The following LRRC3B variants were observed in gnomAD, a reference collection of about 807,000 sequenced individuals.
LRRC3B encodes leucine rich repeat containing 3B, also known as leucine-rich repeat-containing protein 3B.
LRRC3B carries 2 observed loss-of-function variants against 12.8 expected under a neutral mutation model. The observed-to-expected ratio is 0.16, with a 90% confidence interval of 0.06 to 0.49. The LOEUF is 0.49. Among genes scored for constraint, LRRC3B ranks in the 20% least tolerant of loss-of-function variants. LRRC3B has a pLI of 0.96. For missense variants in LRRC3B, 189 were observed against 319.4 expected, an observed-to-expected ratio of 0.59 and a Z score of 3.11; for synonymous variants, 132 against 122.0, an observed-to-expected ratio of 1.08 and a Z score of -0.54.
chr3:26,692,644 T>G (rs1463196914), intron 1 of LRRC3B, among the ~76,000 whole-genome samples: 1 of 152,232 alleles, frequency 6.6e-6, no homozygotes, highest in Non-Finnish European at 1.5e-5. Flanking sequence ...GTTCTGTTAG[T>G]TGTTAGTGTA....
At chr3:26,638,324 T>C (rs973109698) in intron 1 of LRRC3B, among the ~76,000 whole-genome samples, 1 of 152,168 alleles carries the variant, frequency 6.6e-6, no homozygotes, top group Non-Finnish European at 1.5e-5. Flanking sequence ...CTTTTATTGG[T>C]GATGTCATAG....
At chr3:26,677,672 A>G (rs779390473) in intron 1 of LRRC3B, among the ~76,000 whole-genome samples, 15 of 152,372 alleles carry the variant, frequency 9.8e-5, no homozygotes, top group Non-Finnish European at 4.4e-5. Context: ...ACATGTATAC[A>G]TATAACACAT....
chr3:26,651,433 G>GGTGTGTACCT (rs1470702200), intron 1 of LRRC3B, among the ~76,000 whole-genome samples: 2 of 152,054 alleles, frequency 1.3e-5, no homozygotes, highest in Non-Finnish European at 2.9e-5. Flanking sequence ...GAGCACACGT[G>GGTGTGTACCT]GTGTGTACCT....
intron 1 of LRRC3B, among the ~76,000 whole-genome samples, chr3:26,646,195 G>A (rs1160879584): frequency 1.3e-5 from 2 of 152,192 alleles, no homozygotes; most frequent in Admixed American, 6.5e-5. Context: ...GGTGATGAAA[G>A]TGAGTTATAA....
intron 1 of LRRC3B, among the ~76,000 whole-genome samples, chr3:26,653,621 A>T (rs764038006): frequency 6.6e-6 from 1 of 152,316 alleles, no homozygotes; most frequent in Non-Finnish European, 1.5e-5. Context: ...AAAAACAGTA[A>T]GATAACCTGA....
At chr3:26,628,676 A>C (rs1336653174) in intron 1 of LRRC3B, among the ~76,000 whole-genome samples, 2 of 151,948 alleles carry the variant, frequency 1.3e-5, no homozygotes, top group African/African-American at 2.4e-5. Flanking sequence ...TTAGTGAATT[A>C]ATACATCTCA....
intron 1 of LRRC3B, among the ~76,000 whole-genome samples, chr3:26,671,074 G>C (rs1237425504): frequency 7.7e-6 from 1 of 129,238 alleles, no homozygotes; most frequent in Non-Finnish European, 1.6e-5. Context: ...GGAGTGCAGT[G>C]GCGGGATCTC....
At chr3:26,707,270 T>C (rs1034555894) in intron 1 of LRRC3B, among the ~76,000 whole-genome samples, 1 of 147,634 alleles carries the variant, frequency 6.8e-6, no homozygotes, top group Non-Finnish European at 1.5e-5. Context: ...GAGGCTGGGG[T>C]GGGAGAATTG....
chr3:26,633,943 T>C (rs1397181881), intron 1 of LRRC3B, among the ~76,000 whole-genome samples: 2 of 152,256 alleles, frequency 1.3e-5, no homozygotes, highest in Non-Finnish European at 2.9e-5. Context: ...AAGCTCCTAA[T>C]GTTTTGTAGA....
intron 1 of LRRC3B, among the ~76,000 whole-genome samples, chr3:26,653,260 C>T (rs1053477706): frequency 6.6e-6 from 1 of 152,164 alleles, no homozygotes; most frequent in African/African-American, 2.4e-5. Context: ...AGGAAAATGA[C>T]TTGCATCTCC....
At chr3:26,705,041 T>C (rs1458120967) in intron 1 of LRRC3B, among the ~76,000 whole-genome samples, 1 of 152,162 alleles carries the variant, frequency 6.6e-6, no homozygotes, top group Admixed American at 6.5e-5. Context: ...CTCAGAAGGG[T>C]TAATAAAAGC....
At chr3:26,651,152 A>G (rs1415886936) in intron 1 of LRRC3B, among the ~76,000 whole-genome samples, 1 of 152,146 alleles carries the variant, frequency 6.6e-6, no homozygotes, top group African/African-American at 2.4e-5. Flanking sequence ...TGTCATATAG[A>G]GAATGGGTGT....
intron 1 of LRRC3B, among the ~76,000 whole-genome samples, chr3:26,673,514 A>C (rs1438567316): frequency 2.0e-5 from 3 of 152,358 alleles, no homozygotes; most frequent in East Asian, 3.9e-4. Context: ...TATGCAGTGC[A>C]ATAAGGTATG....
chr3:26,692,696 A>G (rs1399949937), intron 1 of LRRC3B, among the ~76,000 whole-genome samples: 1 of 152,382 alleles, frequency 6.6e-6, no homozygotes, highest in East Asian at 1.9e-4. Context: ...TGATAAAAAC[A>G]TAAATATAAA....
At chr3:26,694,146 G>A (rs768750957) in intron 1 of LRRC3B, among the ~76,000 whole-genome samples, 2 of 152,192 alleles carry the variant, frequency 1.3e-5, no homozygotes, top group Non-Finnish European at 2.9e-5. Flanking sequence ...TAGGTAAAGT[G>A]TGAATGTATT....
chr3:26,688,916 CT>C (rs1237863109), intron 1 of LRRC3B, among the ~76,000 whole-genome samples: 11 of 152,174 alleles, frequency 7.2e-5, no homozygotes, highest in Non-Finnish European at 1.2e-4. Context: ...TTGTTGGTCA[CT>C]TGTAAACAGA....
chr3:26,685,145 G>GT (rs1208065856), intron 1 of LRRC3B, among the ~76,000 whole-genome samples: 6 of 151,956 alleles, frequency 3.9e-5, no homozygotes, highest in Non-Finnish European at 5.9e-5. Context: ...TAGAGATGGG[G>GT]TTTCAACAAG....
chr3:26,669,065 C>A (rs1273795605), intron 1 of LRRC3B, among the ~76,000 whole-genome samples: 1 of 152,168 alleles, frequency 6.6e-6, no homozygotes, highest in Non-Finnish European at 1.5e-5. Flanking sequence ...TGCAAAGATG[C>A]TATTCATTAA....
At chr3:26,634,203 A>G (rs889717646) in intron 1 of LRRC3B, among the ~76,000 whole-genome samples, 1 of 152,184 alleles carries the variant, frequency 6.6e-6, no homozygotes, top group Admixed American at 6.5e-5. Context: ...CCAGATGGCT[A>G]TATTTCTTGT....
Sources: allele counts gnomAD v4.1 joint callset (sites outside exome capture counted in the v4.1 genomes callset), GRCh38; gene constraint gnomAD v4.1.1; transcripts MANE v1.5; gene names NCBI Gene and HGNC (gene_info 2026-07-23, HGNC 2026-07-21).